The following ADAMTS12 variants were observed in gnomAD, a reference collection of about 807,000 sequenced individuals.
ADAMTS12 encodes A disintegrin and metalloproteinase with thrombospondin motifs 12.
Under a neutral mutation model 167.8 loss-of-function variants are expected in ADAMTS12, and 118 were observed. The ratio of observed to expected loss-of-function variants is 0.70; its 90% CI spans 0.61 to 0.82. The LOEUF is 0.82. Ranked by LOEUF, ADAMTS12 falls within the 40% of genes least tolerant of loss-of-function variation. The probability of loss-of-function intolerance (pLI) is 0.00; values close to 1 mark genes in which losing one functional copy is unlikely to be tolerated. For missense variants in ADAMTS12, 1,916 were observed against 1,998.8 expected, an observed-to-expected ratio of 0.96 and a Z score of 0.79; for synonymous variants, 704 against 716.9, an observed-to-expected ratio of 0.98 and a Z score of 0.29.
chr5:33,803,758 A>C (rs1747110020), intron 2 of ADAMTS12, among the ~76,000 whole-genome samples: 1 of 152,210 alleles, frequency 6.6e-6, no homozygotes, highest in East Asian at 1.9e-4. Flanking sequence ...AGCAGGCAAG[A>C]GGGTGTGTGC....
At position 33,637,626 on chromosome 5, in the gene ADAMTS12, A is replaced by G. The variant is rs1374214951; in HGVS notation, c.1839T>C (p.Thr613=). 2.5e-6 allele frequency: 4 copies of G among 1,613,744 alleles called. No homozygotes were observed. Among genetic ancestry groups the G allele is most frequent in the Non-Finnish European group, 3.4e-6 (4 of 1,179,686 alleles). ...GGTAGAGTTCATTCTTGTAGGGAAC[A>G]GTGTCAAATTCACTGCACTGCATCT... The part of the protein sequence containing the change: ...FRQMQCSEFD[T]VPYKNELYHW... The change falls in exon 12 of 24, where the codon ACT becomes ACC. Residue 613 remains threonine (T), a synonymous_variant. Coordinates refer to ENST00000504830, the MANE Select transcript of ADAMTS12 (RefSeq NM_030955.4).
intron 14 of ADAMTS12, among the ~76,000 whole-genome samples, chr5:33,616,869 GA>G (rs1739044530): frequency 6.6e-6 from 1 of 152,156 alleles, no homozygotes; most frequent in African/African-American, 2.4e-5. Flanking sequence ...GCATACTGGT[GA>G]AAAAATTAAC....
intron 3 of ADAMTS12, among the ~76,000 whole-genome samples, chr5:33,688,054 G>A (rs1297236035): frequency 2.6e-5 from 4 of 152,138 alleles, no homozygotes; most frequent in Non-Finnish European, 5.9e-5. Flanking sequence ...TAGGCTTTAA[G>A]CAACTAAAGG....
chr5:33,862,913 A>G (rs887224405), intron 2 of ADAMTS12, among the ~76,000 whole-genome samples: 2 of 152,318 alleles, frequency 1.3e-5, no homozygotes, highest in Admixed American at 6.5e-5. Context: ...AATATAATCC[A>G]TCACATAAAC....
rs138829773 is a variant in ADAMTS12 at position 33,706,319 on chromosome 5, G to A, written c.635-22264C>T. 6.7e-4 allele frequency among the ~76,000 whole-genome samples: 102 copies of A among 152,204 alleles called. No homozygotes were observed. The East Asian group carries it at 0.019, about 28-fold the overall frequency. ...GGTGTTAAAGTCCCCCACTATTATT[G>A]TGTGGGAGTCTAAGTCTCTTTGTTG... On this transcript the variant is annotated intron_variant, in intron 3 of 23. Transcript: ENST00000504830.
intron 23 of ADAMTS12, among the ~76,000 whole-genome samples, chr5:33,529,585 C>T (rs1315105499): frequency 6.6e-6 from 1 of 152,156 alleles, no homozygotes; most frequent in Non-Finnish European, 1.5e-5. Context: ...CCTCTCCACC[C>T]CAAATTTGCG....
intron 2 of ADAMTS12, among the ~76,000 whole-genome samples, chr5:33,770,401 G>A (rs1745693340): frequency 6.6e-6 from 1 of 152,102 alleles, no homozygotes; most frequent in African/African-American, 2.4e-5. Context: ...GGTCCAGGAG[G>A]AATCTGTAAC....
At chr5:33,715,894 A>C (rs1397964484) in intron 3 of ADAMTS12, among the ~76,000 whole-genome samples, 1 of 151,948 alleles carries the variant, frequency 6.6e-6, no homozygotes, top group Non-Finnish European at 1.5e-5. Context: ...GTTTCTTCTA[A>C]CTCTCTCTAG....
At chr5:33,820,296 T>C (rs1747821203) in intron 2 of ADAMTS12, among the ~76,000 whole-genome samples, 1 of 152,200 alleles carries the variant, frequency 6.6e-6, no homozygotes, top group Non-Finnish European at 1.5e-5. Flanking sequence ...GCAACAGATT[T>C]AAATTAAACA....
chr5:33,627,349 ATGG>A (rs1739705258), intron 13 of ADAMTS12, among the ~76,000 whole-genome samples: 1 of 123,970 alleles, frequency 8.1e-6, no homozygotes, highest in African/African-American at 3.4e-5. Context: ...GATGGTAGTG[ATGG>A]TGGTGATGGT....
At position 33,576,037 on chromosome 5, in the gene ADAMTS12, G is replaced by A. The variant is rs2111961074; in HGVS notation, c.3972+17C>T. The A allele has an allele frequency of 1.3e-6, 2 of 1,598,276 alleles. No individual in the cohort carries two copies. Among genetic ancestry groups the A allele is most frequent in the Non-Finnish European group, 1.7e-6 (2 of 1,171,382 alleles). On this transcript the variant is annotated intron_variant, in intron 19 of 23. Coordinates refer to ENST00000504830, the MANE Select transcript of ADAMTS12 (RefSeq NM_030955.4). Reference sequence around the variant, plus strand: ...TTTTTCCATGTAAAACCAGGCCAGGGGTAGGAAATGTCTTACCTCGCTCCA... The same window carrying A: ...TTTTTCCATGTAAAACCAGGCCAGGAGTAGGAAATGTCTTACCTCGCTCCA...
chr5:33,657,509 T>C (rs1005257203), intron 7 of ADAMTS12, among the ~76,000 whole-genome samples: 1 of 152,216 alleles, frequency 6.6e-6, no homozygotes, highest in Non-Finnish European at 1.5e-5. Flanking sequence ...ACCTCTGATA[T>C]CTGGTGAATT....
intron 19 of ADAMTS12, among the ~76,000 whole-genome samples, chr5:33,567,110 C>A (rs781557917): frequency 6.6e-6 from 1 of 152,192 alleles, no homozygotes; most frequent in Admixed American, 6.5e-5. Context: ...AGAAGCCTAG[C>A]CTTCCTAATG....
chr5:33,607,801 T>C (rs1350917102), intron 16 of ADAMTS12, among the ~76,000 whole-genome samples: 1 of 152,142 alleles, frequency 6.6e-6, no homozygotes, highest in Non-Finnish European at 1.5e-5. Context: ...ATAAGTAACA[T>C]ACAAATTGAT....
At chr5:33,865,557 C>T (rs1749787193) in intron 2 of ADAMTS12, among the ~76,000 whole-genome samples, 1 of 152,026 alleles carries the variant, frequency 6.6e-6, no homozygotes, top group Non-Finnish European at 1.5e-5. Flanking sequence ...AGAAATGGAA[C>T]AAGACAAGGA....
chr5:33,784,274 G>A (rs941233039), intron 2 of ADAMTS12, among the ~76,000 whole-genome samples: 5 of 151,826 alleles, frequency 3.3e-5, no homozygotes, highest in African/African-American at 1.2e-4. Flanking sequence ...AAGACAGAAT[G>A]CTTTACCCTA....
At chr5:33,759,674 G>T (rs1253967784) in intron 2 of ADAMTS12, among the ~76,000 whole-genome samples, 1 of 152,182 alleles carries the variant, frequency 6.6e-6, no homozygotes, top group Non-Finnish European at 1.5e-5. Context: ...GAAATACTCA[G>T]TTTTTGGTTT....
intron 3 of ADAMTS12, among the ~76,000 whole-genome samples, chr5:33,720,136 C>T (rs561119839): frequency 5.3e-5 from 8 of 151,998 alleles, no homozygotes; most frequent in Non-Finnish European, 1.2e-4. Flanking sequence ...TCCAGAAACT[C>T]AAAATTGTGA....
chr5:33,701,253 A>G (rs1330715421), intron 3 of ADAMTS12, among the ~76,000 whole-genome samples: 5 of 152,208 alleles, frequency 3.3e-5, no homozygotes, highest in Non-Finnish European at 7.3e-5. Context: ...ACTCCCCAAC[A>G]TCTGAGCACC....
Sources: allele counts gnomAD v4.1 joint callset (sites outside exome capture counted in the v4.1 genomes callset), GRCh38; gene constraint gnomAD v4.1.1; transcripts MANE v1.5; gene names NCBI Gene and HGNC (gene_info 2026-07-23, HGNC 2026-07-21).